The following AK9 variants were observed in gnomAD, a reference collection of about 807,000 sequenced individuals.
AK9 encodes the protein adenylate kinase 9, also known as adenylate kinase domain containing 1.
A neutral mutation model predicts 239.6 loss-of-function variants in AK9; 191 were observed. The ratio of observed to expected loss-of-function variants is 0.80; its 90% confidence interval spans 0.71 to 0.90. The LOEUF (loss-of-function observed/expected upper bound fraction) is 0.90. Ranked by LOEUF, AK9 falls within the 40% of genes least tolerant of loss-of-function variation. AK9 has a pLI of 0.00. For synonymous variants in AK9, 689 were observed against 721.0 expected, an observed-to-expected ratio of 0.96 and a Z score of 0.71; for missense variants, 1,995 against 2,214.7, an observed-to-expected ratio of 0.90 and a Z score of 1.99.
At chr6:109,607,971 G>T (rs1793110309) in intron 17 of AK9, among the ~76,000 whole-genome samples, 1 of 152,024 alleles carries the variant, frequency 6.6e-6, no homozygotes, top group Non-Finnish European at 1.5e-5. Flanking sequence ...CAGATGTCAT[G>T]ATTTATTATA....
intron 20 of AK9, among the ~76,000 whole-genome samples, chr6:109,578,053 T>A (rs536119630): frequency 1.3e-5 from 2 of 152,024 alleles, no homozygotes; most frequent in South Asian, 4.2e-4. Flanking sequence ...TGCCTCAGCC[T>A]CCCAAGTAGC....
chr6:109,682,815 A>G (rs1283578452), intron 1 of AK9, among the ~76,000 whole-genome samples: 7 of 152,214 alleles, frequency 4.6e-5, no homozygotes, highest in African/African-American at 1.4e-4. Context: ...ATTCTACCAG[A>G]GGTACAAAAA....
chr6:109,522,134 G>A (rs1052434774), intron 29 of AK9, among the ~76,000 whole-genome samples: 1 of 152,000 alleles, frequency 6.6e-6, no homozygotes, highest in Middle Eastern at 3.2e-3. Context: ...TATTGTTACT[G>A]AGAAGTCTGA....
intron 29 of AK9, among the ~76,000 whole-genome samples, chr6:109,524,849 G>A (rs1213633193): frequency 6.6e-6 from 1 of 152,096 alleles, no homozygotes; most frequent in Non-Finnish European, 1.5e-5. Context: ...CAGTTCTAAG[G>A]TTTTTACAAT....
rs531656319 is a variant in AK9, at chr6:109,642,788, G to C, written c.835-1172C>G. Among the ~76,000 whole-genome samples, 6 of 152,282 alleles carry C rather than the reference G, an allele frequency of 3.9e-5. No homozygotes were observed. In the South Asian group the frequency reaches 1.2e-3, roughly 32 times the overall value. ...GGTGGGAGAAGCACATTGGGGGCAG[G>C]GTGGTGGTGGTGAAGTTCTATCTTG... On this transcript the variant is annotated intron_variant, in intron 9 of 40. Transcript: ENST00000424296.
At chr6:109,539,707 C>T (rs1782580972) in intron 27 of AK9, among the ~76,000 whole-genome samples, 1 of 152,186 alleles carries the variant, frequency 6.6e-6, no homozygotes, top group Non-Finnish European at 1.5e-5. Context: ...AGCTTTTCTG[C>T]TCTGTTTTTT....
At position 109,586,940 on chromosome 6, in the gene AK9, C is replaced by G. The variant is rs537986274; in HGVS notation, c.1843-868G>C. On this transcript the variant is annotated intron_variant, in intron 17 of 40. Transcript: ENST00000424296. ...AGATGTCAAGAGGGCCAATATTACC[C>G]TCTTGACAGGCCTATGCAGAATTTA... Among the ~76,000 whole-genome samples the G allele has an allele frequency of 2.6e-5, 4 of 152,168 alleles. No individual in the cohort carries two copies. In the South Asian group the frequency reaches 6.2e-4, roughly 24 times the overall value.
chr6:109,496,884 T>C (rs1777091871), intron 38 of AK9, among the ~76,000 whole-genome samples: 1 of 152,170 alleles, frequency 6.6e-6, no homozygotes. Context: ...TCAGTCAATG[T>C]GCTCAGATTG....
rs1777174501 is a variant in AK9 at position 109,497,381 on chromosome 6, C to G, written c.5315+84G>C. The G allele has an allele frequency of 7.9e-6, 5 of 632,318 alleles. No homozygotes were observed. The South Asian group carries it at 9.3e-5, about 12-fold the overall frequency. 39.2% of individuals were successfully genotyped at this position (632,318 alleles called of 1,614,324 possible). Reference sequence around the variant, plus strand: ...ACACACACTCTCTCTCTCTCTCTCTCTCTCACACACTCCTCTCCCCCGTTC... The same window carrying G: ...ACACACACTCTCTCTCTCTCTCTCTGTCTCACACACTCCTCTCCCCCGTTC... On this transcript the variant is annotated intron_variant, in intron 38 of 40. Transcript: ENST00000424296.
Position 109,515,841 on chromosome 6 carries a change from C to G in AK9, c.4065+16G>C. The G allele has an allele frequency of 6.6e-7, 1 of 1,523,806 alleles. No homozygotes were observed. The highest frequency in any genetic ancestry group is 8.9e-7 in the Non-Finnish European group (1 of 1,123,970). The allele number at this position is 1,523,806 out of a possible 1,614,324, so 94.4% of individuals were successfully genotyped here. A position where few individuals can be genotyped will look rare whatever the true frequency, so the allele number is the denominator to read the frequency against. On this transcript the variant is annotated intron_variant, in intron 31 of 40. Coordinates refer to ENST00000424296, the MANE Select transcript of AK9 (RefSeq NM_001145128.3). ...AAATAAGGAACATGGCTTTCAGGTG[C>G]GTTTGCTGAAATTACCTTTACAGGG...
chr6:109,682,802 C>T (rs529701538), intron 1 of AK9, among the ~76,000 whole-genome samples: 1 of 152,106 alleles, frequency 6.6e-6, no homozygotes, highest in Non-Finnish European at 1.5e-5. Flanking sequence ...GATTCACAGC[C>T]GAATTCTACC....
At chr6:109,510,603 T>C (rs565166764) in intron 32 of AK9, among the ~76,000 whole-genome samples, 31 of 152,242 alleles carry the variant, frequency 2.0e-4, no homozygotes, top group Admixed American at 7.2e-4. Flanking sequence ...TGCTGAGAAC[T>C]GAACACTGGA....
intron 15 of AK9, 62 bp from the exon 16 acceptor site, chr6:109,612,155 A>G: frequency 8.8e-7 from 1 of 1,135,608 alleles, no homozygotes; most frequent in South Asian, 1.5e-5. Context: ...GGTGATTCCC[A>G]AGGAAGATTG....
At chr6:109,666,177 G>T (rs970471805) in intron 5 of AK9, among the ~76,000 whole-genome samples, 2 of 152,192 alleles carry the variant, frequency 1.3e-5, no homozygotes, top group African/African-American at 4.8e-5. Flanking sequence ...CAGAGCCTAG[G>T]GGTGTATCTA....
intron 19 of AK9, among the ~76,000 whole-genome samples, chr6:109,583,664 A>G (rs1789132511): frequency 6.6e-6 from 1 of 152,154 alleles, no homozygotes; most frequent in South Asian, 2.1e-4. Context: ...AAAAATTTAG[A>G]ATCAAAAGAA....
intron 12 of AK9, chr6:109,632,088 T>TC (rs1796142829): frequency 1.1e-6 from 1 of 901,398 alleles, no homozygotes; most frequent in South Asian, 5.1e-5. Context: ...ACATTCCAGA[T>TC]TTGACCTGGT....
chr6:109,688,186 A>G (rs1255548297), intron 1 of AK9, among the ~76,000 whole-genome samples: 1 of 152,148 alleles, frequency 6.6e-6, no homozygotes, highest in Non-Finnish European at 1.5e-5. Flanking sequence ...TAGGAGACAA[A>G]ACATTCATTC....
chr6:109,651,295 G>A (rs1162756055), intron 8 of AK9, among the ~76,000 whole-genome samples: 1 of 151,872 alleles, frequency 6.6e-6, no homozygotes, highest in Admixed American at 6.6e-5. Flanking sequence ...CATGGAAACT[G>A]AACAACCTGC....
intron 21 of AK9, among the ~76,000 whole-genome samples, chr6:109,571,180 A>G (rs1787369073): frequency 6.6e-6 from 1 of 152,224 alleles, no homozygotes; most frequent in Admixed American, 6.5e-5. Flanking sequence ...TAAAATCTCA[A>G]GAATAGGGTC....
Sources: gnomAD v4.1 joint callset for allele counts (sites outside exome capture counted in the v4.1 genomes callset) on GRCh38, gnomAD v4.1.1 for gene constraint, MANE v1.5 for transcripts, NCBI Gene and HGNC (gene_info 2026-07-23, HGNC 2026-07-21) for gene names.